Variants in ROBO1 observed in about 807,000 individuals in gnomAD.
The protein encoded by ROBO1 is roundabout homolog 1.
ROBO1 carries 149 observed loss-of-function variants against 195.9 expected under a neutral mutation model. That is an observed-to-expected ratio of 0.76 (90% CI 0.67 to 0.87). The LOEUF (loss-of-function observed/expected upper bound fraction) is 0.87. Ranked by LOEUF, ROBO1 falls within the 40% of genes least tolerant of loss-of-function variation. The pLI is 0.00. For missense variants in ROBO1, 1,933 were observed against 2,068.3 expected, an observed-to-expected ratio of 0.93 and a Z score of 1.27; for synonymous variants, 816 against 733.2, an observed-to-expected ratio of 1.11 and a Z score of -1.82.
chr3:79,343,619 A>G (rs907575091), intron 2 of ROBO1, among the ~76,000 whole-genome samples: 1 of 152,170 alleles, frequency 6.6e-6, no homozygotes, highest in Non-Finnish European at 1.5e-5. Flanking sequence ...AACGTGGAAT[A>G]CACCGCACTA....
At chr3:78,796,570 C>T (rs563473969) in intron 4 of ROBO1, among the ~76,000 whole-genome samples, 60 of 150,844 alleles carry the variant, frequency 4.0e-4, no homozygotes, top group African/African-American at 1.4e-3. Context: ...TCATTTTCAC[C>T]CTCCTCTACT....
intron 4 of ROBO1, among the ~76,000 whole-genome samples, chr3:78,890,476 C>G (rs140877562): frequency 9.9e-5 from 15 of 152,214 alleles, no homozygotes; most frequent in Middle Eastern, 3.4e-3. Context: ...TTCTAGACTT[C>G]AGAACCTTGA....
intron 22 of ROBO1, among the ~76,000 whole-genome samples, chr3:78,639,293 C>G (rs1185365887): frequency 1.3e-5 from 2 of 151,588 alleles, no homozygotes; most frequent in Admixed American, 1.3e-4. Context: ...CCCATCTCTA[C>G]TTAAAAAAAA....
intron 2 of ROBO1, among the ~76,000 whole-genome samples, chr3:79,498,257 C>T (rs988344886): frequency 6.6e-6 from 1 of 152,018 alleles, no homozygotes; most frequent in Admixed American, 6.5e-5. Flanking sequence ...AATTTCAATA[C>T]ATATTGATGT....
At chr3:78,778,094 T>C (rs1173339337) in intron 4 of ROBO1, among the ~76,000 whole-genome samples, 3 of 152,312 alleles carry the variant, frequency 2.0e-5, no homozygotes, top group East Asian at 1.9e-4. Flanking sequence ...GAGATAATCA[T>C]TTGGTTTTTG....
At chr3:79,093,673 A>G (rs938100243) in intron 3 of ROBO1, among the ~76,000 whole-genome samples, 6 of 152,172 alleles carry the variant, frequency 3.9e-5, no homozygotes, top group South Asian at 2.1e-4. Context: ...TGTTTTTAAG[A>G]CAGTATCACT....
chr3:79,679,926 T>C (rs1217273408), intron 1 of ROBO1, among the ~76,000 whole-genome samples: 1 of 152,026 alleles, frequency 6.6e-6, no homozygotes, highest in Admixed American at 6.6e-5. Context: ...TTTAATGACA[T>C]GGGATCTGAA....
chr3:79,626,295 G>T (rs1344783224), intron 1 of ROBO1, among the ~76,000 whole-genome samples: 2 of 151,992 alleles, frequency 1.3e-5, no homozygotes, highest in Admixed American at 1.3e-4. Flanking sequence ...AAATACAAAA[G>T]TTAGCTGGGT....
intron 2 of ROBO1, among the ~76,000 whole-genome samples, chr3:79,420,602 T>C (rs932743914): frequency 1.1e-4 from 17 of 152,122 alleles, no homozygotes; most frequent in Admixed American, 3.9e-4. Flanking sequence ...CATGAAGACG[T>C]AGAGTCTCTT....
At chr3:79,525,645 G>T (rs1379013331) in intron 2 of ROBO1, among the ~76,000 whole-genome samples, 1 of 141,958 alleles carries the variant, frequency 7.0e-6, no homozygotes, top group Non-Finnish European at 1.5e-5. Flanking sequence ...TCGCTCTGTC[G>T]CCCAGGCTGG....
intron 2 of ROBO1, among the ~76,000 whole-genome samples, chr3:79,505,630 G>A (rs1041962442): frequency 1.3e-5 from 2 of 152,162 alleles, no homozygotes; most frequent in African/African-American, 4.8e-5. Context: ...ATACTTTGCA[G>A]TAACGATCAT....
In ROBO1 at chr3:78,839,712, C is replaced by G. The variant is rs1303321573; in HGVS notation, c.500-92812G>C. On this transcript the variant is annotated intron_variant, in intron 4 of 30. Transcript: ENST00000464233. ...AATCTTTACAGACTGAAAATCCCAGCCTTGTCACTATGTAAGGATATGAAA... is the reference window on the plus strand; with the variant it reads ...AATCTTTACAGACTGAAAATCCCAGGCTTGTCACTATGTAAGGATATGAAA... 7.9e-5 allele frequency among the ~76,000 whole-genome samples: 12 copies of G among 152,236 alleles called. No homozygotes were observed. The East Asian group carries it at 2.3e-3, about 29-fold the overall frequency.
Position 78,754,388 on chromosome 3 carries a change from T to C in ROBO1, c.500-7488A>G, listed in dbSNP as rs533359678. 3.3e-5 allele frequency among the ~76,000 whole-genome samples: 5 copies of C among 152,270 alleles called. No homozygotes were observed. In the East Asian group the frequency reaches 7.7e-4, roughly 24 times the overall value. ...TGAGGATATCTGAGCTACGGGACCC[T>C]GATTAGGGCAAGACAAGCATGCATT... On this transcript the variant is annotated intron_variant, in intron 4 of 30. Transcript: ENST00000464233.
intron 2 of ROBO1, among the ~76,000 whole-genome samples, chr3:79,226,544 T>TTTC (rs1389209646): frequency 7.2e-6 from 1 of 139,746 alleles, no homozygotes; most frequent in Non-Finnish European, 1.6e-5. Context: ...TCTTTCTTTC[T>TTTC]TTTTTTTTTT....
At chr3:79,259,655 T>C (rs1474450273) in intron 2 of ROBO1, among the ~76,000 whole-genome samples, 1 of 151,998 alleles carries the variant, frequency 6.6e-6, no homozygotes, top group Non-Finnish European at 1.5e-5. Context: ...GGAGAAAATA[T>C]TTGCAAACTA....
intron 4 of ROBO1, among the ~76,000 whole-genome samples, chr3:78,865,662 G>A (rs1015051973): frequency 1.3e-5 from 2 of 151,746 alleles, no homozygotes; most frequent in African/African-American, 4.8e-5. Flanking sequence ...TAGTAGAGAC[G>A]GGGTTTCACC....
intron 2 of ROBO1, among the ~76,000 whole-genome samples, chr3:79,285,938 T>A (rs2031860088): frequency 5.3e-5 from 8 of 152,062 alleles, no homozygotes; most frequent in Admixed American, 5.2e-4. Flanking sequence ...TGAGACACAA[T>A]AACAAAGTAT....
At chr3:79,244,865 A>AT (rs939445201) in intron 2 of ROBO1, among the ~76,000 whole-genome samples, 2 of 151,732 alleles carry the variant, frequency 1.3e-5, no homozygotes, top group African/African-American at 4.8e-5. Flanking sequence ...AATATACTTC[A>AT]TTTTTTTTCC....
At chr3:79,118,980 G>T (rs1043052923) in intron 3 of ROBO1, among the ~76,000 whole-genome samples, 4 of 151,910 alleles carry the variant, frequency 2.6e-5, no homozygotes, top group Middle Eastern at 3.2e-3. Context: ...TTTAAGTTCA[G>T]ATACTGCTTT....
Sources: gnomAD v4.1 joint callset for allele counts (sites outside exome capture counted in the v4.1 genomes callset) on GRCh38, gnomAD v4.1.1 for gene constraint, MANE v1.5 for transcripts, NCBI Gene and HGNC (gene_info 2026-07-23, HGNC 2026-07-21) for gene names.